The following NAT10 variants were observed in gnomAD, a reference collection of about 807,000 sequenced individuals.
NAT10 encodes the protein N-acetyltransferase 10.
In NAT10, 109 loss-of-function variants were observed where a neutral mutation model predicts 132.2. The observed-to-expected ratio is 0.82, with a 90% CI of 0.71 to 0.97. The LOEUF is 0.97. NAT10 is among the 50% of genes least tolerant of loss of function. The probability of loss-of-function intolerance (pLI) is 0.00; values close to 1 mark genes in which losing one functional copy is unlikely to be tolerated. For synonymous variants in NAT10, 479 were observed against 478.0 expected, an observed-to-expected ratio of 1.00 and a Z score of -0.03; for missense variants, 1,184 against 1,263.4, an observed-to-expected ratio of 0.94 and a Z score of 0.95.
intron 2 of NAT10, 38 bp from the exon 3 acceptor site, chr11:34,108,704 T>C (rs1459320821): frequency 7.0e-6 from 11 of 1,581,138 alleles, no homozygotes; most frequent in Non-Finnish European, 9.5e-6. Flanking sequence ...CTAAAGTCTC[T>C]TTTGTGCCTG....
chr11:34,131,458 G>A lies in NAT10; in HGVS notation c.1447G>A (p.Asp483Asn), dbSNP rs1370710460. 7 of 1,614,030 alleles carry A rather than the reference G, an allele frequency of 4.3e-6. No homozygotes were observed. The highest frequency in any genetic ancestry group is 5.9e-6 in the Non-Finnish European group (7 of 1,180,034). ...PGDAVEKWLN[D>N]LLCLDCLNIT... is the part of the protein sequence containing the mutation. ...GGATGCAGTGGAGAAGTGGCTGAAT[G>A]ACTTGCTGTGCCTGGATTGCCTCAA... Residue 483 changes from aspartate to asparagine, a missense_variant, in exon 14 of 29, where the codon GAC (aspartate) becomes AAC (asparagine). Coordinates refer to ENST00000257829, the MANE Select transcript of NAT10 (RefSeq NM_024662.3).
intron 14 of NAT10, among the ~76,000 whole-genome samples, chr11:34,131,901 G>T (rs1852112907): frequency 6.6e-6 from 1 of 151,922 alleles, no homozygotes. Flanking sequence ...GGTCAGGCTG[G>T]TCTCAAACTC....
At chr11:34,140,658 A>G in intron 24 of NAT10, 86 bp downstream of exon 24, 1 of 1,434,964 alleles carries the variant, frequency 7.0e-7, no homozygotes, top group Non-Finnish European at 9.5e-7. Context: ...ACTTGGACAT[A>G]ATTGTGTGCC....
intron 28 of NAT10, among the ~76,000 whole-genome samples, chr11:34,143,948 C>T (rs982298223): frequency 2.2e-4 from 33 of 152,214 alleles, no homozygotes. Flanking sequence ...AAGAAGCACA[C>T]AGCTAGTGAG....
In NAT10 at chr11:34,118,530, C is replaced by T. The variant is rs368929908; in HGVS notation, c.780+27C>T. ...TGAGTGTGGTGCTCAGCACTTCCAA[C>T]ACAAAGGTAGTAAAACATAGCATAC... is the stretch of plus-strand genomic sequence containing the variant. On this transcript the variant is annotated intron_variant, in intron 8 of 28. Coordinates refer to ENST00000257829, the MANE Select transcript of NAT10 (RefSeq NM_024662.3). 25 of 1,581,190 alleles carry T rather than the reference C, an allele frequency of 1.6e-5. No individual in the cohort carries two copies. The African/African-American group carries it at 3.4e-4, about 21-fold the overall frequency.
At position 34,118,234 on chromosome 11, in the gene NAT10, C is replaced by T. The variant is rs1851819137; in HGVS notation, c.612C>T (p.Leu204=). 1 of 1,614,094 alleles carries T rather than the reference C, an allele frequency of 6.2e-7. No individual in the cohort carries two copies. The highest frequency in any genetic ancestry group is 1.3e-5 in the African/African-American group (1 of 74,936). Residue 204 remains leucine, a synonymous_variant, in exon 7 of 29, where the codon CTC becomes CTT. Coordinates refer to ENST00000257829, the MANE Select transcript of NAT10 (RefSeq NM_024662.3). ...CKKCLVIDDQ[L]NILPISSHVA... is the part of the protein sequence containing the mutation. ...AGTGTCTCGTCATTGATGACCAGCT[C>T]AACATCCTGCCCATCTCCTCCCACG...
chr11:34,136,564 T>C (rs1852216750), intron 19 of NAT10, 78 bp from the exon 20 acceptor site: 3 of 1,570,316 alleles, frequency 1.9e-6, no homozygotes, highest in East Asian at 2.2e-5. Context: ...AAGTCCAGAG[T>C]GCGCTGCGGC....
chr11:34,135,419 T>C (rs1324611051), intron 19 of NAT10, 128 bp downstream of exon 19: 2 of 715,304 alleles, frequency 2.8e-6, no homozygotes, highest in African/African-American at 3.5e-5. Flanking sequence ...TGCTGCTTTC[T>C]CCTACCGAAC....
Position 34,132,312 on chromosome 11 carries a change from A to G in NAT10, c.1617+91A>G, listed in dbSNP as rs78874637. 8.8e-4 allele frequency: 910 copies of G among 1,038,094 alleles called. 8 individuals are homozygous for G. In the East Asian group the frequency reaches 0.018, roughly 20 times the overall value. 64.3% of individuals were successfully genotyped at this position (1,038,094 alleles called of 1,614,324 possible). On this transcript the variant is annotated intron_variant, in intron 15 of 28. Transcript: ENST00000257829. The stretch of plus-strand genomic sequence containing the variant: ...CTTGATTTGCATATTTTATTACCCA[A>G]TGGCTTAGGTGACTGTTCCATTGGG...
intron 5 of NAT10, among the ~76,000 whole-genome samples, chr11:34,114,502 T>C (rs1851750878): frequency 6.6e-6 from 1 of 152,170 alleles, no homozygotes; most frequent in Non-Finnish European, 1.5e-5. Flanking sequence ...AAATGGACTT[T>C]CCTCAAATCT....
chr11:34,138,783 GCCC>G, intron 21 of NAT10: 1 of 169,810 alleles, frequency 5.9e-6, no homozygotes, highest in African/African-American at 2.4e-5. Flanking sequence ...GTAGGTTTTG[GCCC>G]TGGAGTTCCT....
chr11:34,146,650 G>C lies in NAT10; in HGVS notation c.*458G>C, dbSNP rs1339182564. 6.4e-6 allele frequency: 1 copy of C among 155,064 alleles called. No homozygotes were observed. 9.6% of individuals were successfully genotyped at this position (155,064 alleles called of 1,614,324 possible). On this transcript the variant is annotated 3_prime_UTR_variant, in exon 29 of 29. Coordinates refer to ENST00000257829, the MANE Select transcript of NAT10 (RefSeq NM_024662.3). The stretch of plus-strand genomic sequence containing the variant: ...TGTACCTGGAGCAGGAGGAACTCCA[G>C]TCCGTCCCGGCATCCATGGCAGCCC...
chr11:34,110,552 TC>T (rs1851675548), intron 3 of NAT10, among the ~76,000 whole-genome samples: 1 of 149,496 alleles, frequency 6.7e-6, no homozygotes. Flanking sequence ...CATTTTTTTT[TC>T]TTTCCCTTTT....
intron 12 of NAT10, among the ~76,000 whole-genome samples, chr11:34,128,297 T>C (rs1176841423): frequency 6.7e-6 from 1 of 148,630 alleles, no homozygotes; most frequent in Non-Finnish European, 1.5e-5. Flanking sequence ...GAGGCTGCAG[T>C]GAGCCGAGAT....
chr11:34,105,862 G>C (rs986871735), intron 1 of NAT10, 70 bp downstream of exon 1: 1 of 152,308 alleles, frequency 6.6e-6, no homozygotes, highest in Admixed American at 6.5e-5. Context: ...GTCGAGAGGG[G>C]ACCGGCCTCA....
At chr11:34,129,596 CTTCTTTTTTTTTTTT>C (rs1292411499) in intron 12 of NAT10, among the ~76,000 whole-genome samples, 1 of 102,366 alleles carries the variant, frequency 9.8e-6, no homozygotes, top group African/African-American at 3.7e-5. Flanking sequence ...TCTTCTTCTT[CTTCTTTTTTTTTTTT>C]TTTTTTTTTT....
Position 34,118,191 on chromosome 11 carries a change from C to T in NAT10, c.569C>T (p.Ser190Phe). 6.2e-7 allele frequency: 1 copy of T among 1,613,830 alleles called. No homozygotes were observed. The highest frequency in any genetic ancestry group is 1.3e-5 in the African/African-American group (1 of 75,050). ...VGRFNERFIL[S>F]LASCKKCLVI... is the part of the protein sequence containing the mutation. ...GTTTTGTATCTCAGGTTTATTCTGTCTCTGGCCTCTTGTAAGAAGTGTCTC... is the reference window on the plus strand; with the variant it reads ...GTTTTGTATCTCAGGTTTATTCTGTTTCTGGCCTCTTGTAAGAAGTGTCTC... Residue 190 changes from serine to phenylalanine, a missense_variant, in exon 7 of 29, where the codon TCT (serine) becomes TTT (phenylalanine). Transcript: ENST00000257829.
rs183448235 is a variant in NAT10, at chr11:34,143,501, C to G, written c.2942C>G (p.Pro981Arg). ...AATGAAGTTTTGAACAAAGCTGGGC[C>G]GAACGCCTCGATCATCAGCCTGAAA... Reference protein sequence around the residue: ...EWNEVLNKAGPNASIISLKSD... With the variant: ...EWNEVLNKAGRNASIISLKSD... Residue 981 changes from proline to arginine, a missense_variant, in exon 28 of 29, where the codon CCG becomes CGG. Transcript: ENST00000257829. 6.2e-7 allele frequency: 1 copy of G among 1,614,066 alleles called. No homozygotes were observed. Among genetic ancestry groups the G allele is most frequent in the Non-Finnish European group, 8.5e-7 (1 of 1,179,990 alleles).
At chr11:34,118,099 ATT>A (rs1372998439) in intron 6 of NAT10, 79 bp from the exon 7 acceptor site, 76 of 1,189,248 alleles carry the variant, frequency 6.4e-5, no homozygotes, top group Admixed American at 3.2e-4. Flanking sequence ...GGGCCAGTTA[ATT>A]TTTTTGAAGA....
Sources: allele counts gnomAD v4.1 joint callset (sites outside exome capture counted in the v4.1 genomes callset), GRCh38; gene constraint gnomAD v4.1.1; transcripts MANE v1.5; gene names NCBI Gene and HGNC (gene_info 2026-07-23, HGNC 2026-07-21).